Variants in IKZF4 observed in about 807,000 individuals in gnomAD.
IKZF4 encodes the protein zinc finger protein Eos.
A neutral mutation model predicts 47.7 loss-of-function variants in IKZF4; 11 were observed. That is an observed-to-expected ratio of 0.23 (90% CI 0.15 to 0.38). The LOEUF is 0.38. IKZF4 is among the 10% of genes least tolerant of loss of function. IKZF4 has a pLI of 1.00. For synonymous variants in IKZF4, 298 were observed against 299.4 expected (o/e 1.00, Z 0.05); for missense variants, 557 against 784.9 (o/e 0.71, Z 3.47).
chr12:56,018,172 T>G, upstream of IKZF4: 1 of 1,289,372 alleles, frequency 7.8e-7, no homozygotes, highest in South Asian at 1.2e-5. Flanking sequence ...CGCTCCTATG[T>G]GTCTGGTATG....
In IKZF4 at chr12:56,034,563, C is replaced by T. The variant is rs548060688; in HGVS notation, c.998-8C>T. On this transcript the variant is annotated splice_region_variant and splice_polypyrimidine_tract_variant and intron_variant, in intron 7 of 7. Transcript: ENST00000547167. ...AACCCAGCCCTGCTGAGTTCCTGTT[C>T]TCCACAGGCGAAAAGCAGATGCGCT... 2 of 1,592,684 alleles carry T rather than the reference C, an allele frequency of 1.3e-6. No individual in the cohort carries two copies. The highest frequency in any genetic ancestry group is 1.7e-5 in the Admixed American group (1 of 58,120).
Position 56,021,372 on chromosome 12 carries a change from T to G in IKZF4, c.-122T>G. 4 of 1,547,242 alleles carry G rather than the reference T, an allele frequency of 2.6e-6. No individual in the cohort carries two copies. The highest frequency in any genetic ancestry group is 2.6e-6 in the Non-Finnish European group (3 of 1,146,812). On this transcript the variant is annotated 5_prime_UTR_variant, in exon 1 of 8. Coordinates refer to ENST00000547167, the MANE Select transcript of IKZF4 (RefSeq NM_022465.4). The stretch of plus-strand genomic sequence containing the variant: ...CTCTTGCTGGCTGCAGCCGTGGGCC[T>G]CTGCTCACCGTGCCGCTGCTGCTGC...
At chr12:56,019,395 G>A (rs1892558956), upstream of IKZF4, 1 of 984,162 alleles carries the variant, frequency 1.0e-6, no homozygotes, top group Non-Finnish European at 1.2e-6. Flanking sequence ...AGAGTCATTG[G>A]CAACACCCGG....
At position 56,035,392 on chromosome 12, in the gene IKZF4, T is replaced by G; in HGVS notation, c.*61T>G. 1 of 1,526,808 alleles carries G rather than the reference T, an allele frequency of 6.5e-7. No homozygotes were observed. The highest frequency in any genetic ancestry group is 8.8e-7 in the Non-Finnish European group (1 of 1,131,522). The allele number at this position is 1,526,808 out of a possible 1,614,324, so 94.6% of individuals were successfully genotyped here. On this transcript the variant is annotated 3_prime_UTR_variant, in exon 8 of 8. Transcript: ENST00000547167. This position sits in a 1 kb window ranked among gnomAD's most constrained non-coding sequence, Gnocchi z 6.1. ...TGCCCTGACTACAGGCATTGATCCC[T>G]GTCCCCACCATTTCCCAAGGAGTTT...
chr12:56,021,688 C>CTCTG, intron 1 of IKZF4, 108 bp downstream of exon 1: 1 of 657,814 alleles, frequency 1.5e-6, no homozygotes, highest in Non-Finnish European at 2.4e-6. Context: ...AGGATGGGGG[C>CTCTG]TGTGTGTGTG....
intron 7 of IKZF4, among the ~76,000 whole-genome samples, chr12:56,033,643 CT>C (rs1486298204): frequency 1.3e-5 from 2 of 151,994 alleles, no homozygotes; most frequent in Non-Finnish European, 2.9e-5. Flanking sequence ...GGAGGCGGAG[CT>C]TGCAGTGAGC....
Position 56,021,588 on chromosome 12 carries a change from C to T in IKZF4, c.87+8C>T, listed in dbSNP as rs776179288. 1.9e-6 allele frequency: 3 copies of T among 1,596,572 alleles called. No individual in the cohort carries two copies. In the Admixed American group the frequency reaches 5.3e-5, roughly 28 times the overall value. Reference sequence around the variant, plus strand: ...CGGCAAGGGAAGGATAATGTAAGTTCAGGCAGAAGGCGGCTAGTGGAGGGA... The same window carrying T: ...CGGCAAGGGAAGGATAATGTAAGTTTAGGCAGAAGGCGGCTAGTGGAGGGA... On this transcript the variant is annotated splice_region_variant and intron_variant, in intron 1 of 7. Transcript: ENST00000547167.
intron 2 of IKZF4, among the ~76,000 whole-genome samples, chr12:56,014,748 C>G (rs907275876): frequency 1.3e-5 from 2 of 152,032 alleles, no homozygotes; most frequent in African/African-American, 4.8e-5. Context: ...CCACTGCACT[C>G]CAGCCTGGGC....
intron 6 of IKZF4, among the ~76,000 whole-genome samples, chr12:56,032,942 C>G (rs189961554): frequency 6.6e-6 from 1 of 152,200 alleles, no homozygotes; most frequent in Admixed American, 6.5e-5. Flanking sequence ...GGGTCTATAT[C>G]CTTGGCCTAA....
upstream of IKZF4, chr12:56,017,980 C>T: frequency 2.4e-6 from 1 of 419,364 alleles, no homozygotes; most frequent in Non-Finnish European, 4.3e-6. Context: ...AGCCACAGTG[C>T]CTGGCTAAGG....
chr12:56,032,313 C>T, intron 5 of IKZF4: 1 of 449,390 alleles, frequency 2.2e-6, no homozygotes, highest in South Asian at 2.5e-5. Context: ...ACAAACCCAC[C>T]ACCAGTCTGA....
At position 56,032,593 on chromosome 12, in the gene IKZF4, T is replaced by G; in HGVS notation, c.748T>G (p.Cys250Gly). The G allele has an allele frequency of 6.2e-7, 1 of 1,613,814 alleles. No homozygotes were observed. Among genetic ancestry groups the G allele is most frequent in the Non-Finnish European group, 8.5e-7 (1 of 1,179,804 alleles). ...TCCCACAGTGGGCAAGCCCTACAAG[T>G]GTAACTACTGTGGCCGGAGCTACAA... ...SSPTVGKPYK[C>G]NYCGRSYKQQ... is the part of the protein sequence containing the mutation. Residue 250 changes from cysteine (C) to glycine (G), a missense_variant, in exon 6 of 8, where the codon TGT (cysteine) becomes GGT (glycine). This residue lies in a region of IKZF4 where 72 missense variants were observed against 112.4 expected (regional missense o/e 0.64). Transcript: ENST00000547167.
rs975917359 is a variant in IKZF4 at position 56,028,390 on chromosome 12, G to A, written c.715+443G>A. Among the ~76,000 whole-genome samples, 27 of 151,500 alleles carry A rather than the reference G, an allele frequency of 1.8e-4. 1 individual carries two copies. The highest frequency in any genetic ancestry group is 2.1e-4 in the South Asian group (1 of 4,790). On this transcript the variant is annotated intron_variant, in intron 5 of 7. Transcript: ENST00000547167. ...AATACAAAAAAAAAAAAAATTAGCC[G>A]GGCATGGTGGCAGGCACCTGTAGTC...
chr12:56,018,053 C>CAAGAATATTA (rs1307146730), upstream of IKZF4: 10 of 1,038,656 alleles, frequency 9.6e-6, no homozygotes, highest in East Asian at 3.6e-4. Context: ...CTTGCTAACT[C>CAAGAATATTA]AAGAATATTA....
At chr12:56,023,525 A>C (rs1269751408) in intron 1 of IKZF4, 146 bp from the exon 2 acceptor site, 1 of 1,015,564 alleles carries the variant, frequency 9.8e-7, no homozygotes, top group East Asian at 2.8e-5. Flanking sequence ...ACTCAGATTC[A>C]AGCCATAAGG....
At chr12:56,032,793 A>T in intron 6 of IKZF4, 83 bp downstream of exon 6, 1 of 1,441,892 alleles carries the variant, frequency 6.9e-7, no homozygotes, top group Non-Finnish European at 9.7e-7. Context: ...AGTATCTCCC[A>T]CACTGAGGGA....
At chr12:56,026,751 C>A (rs749508905) in intron 3 of IKZF4, 30 bp from the exon 4 acceptor site, 20 of 1,468,016 alleles carry the variant, frequency 1.4e-5, no homozygotes, top group Non-Finnish European at 1.8e-5. Flanking sequence ...CTTTGCCTCT[C>A]TCTATTCTAA....
chr12:56,032,327 CA>C, intron 5 of IKZF4: 1 of 480,308 alleles, frequency 2.1e-6, no homozygotes, highest in Admixed American at 3.7e-5. Context: ...AGTCTGAAGC[CA>C]CATGCCCTAG....
intron 5 of IKZF4, among the ~76,000 whole-genome samples, chr12:56,030,096 G>A (rs1415535410): frequency 1.3e-5 from 2 of 152,090 alleles, no homozygotes; most frequent in African/African-American, 4.8e-5. Context: ...TCACTCATGT[G>A]GGAGCTAAAA....
Sources: gnomAD v4.1 joint callset for allele counts (sites outside exome capture counted in the v4.1 genomes callset) on GRCh38, gnomAD v4.1.1 for gene constraint, gnomAD v4.1.1 regional missense constraint, Gnocchi (gnomAD v3.1) non-coding constraint, MANE v1.5 for transcripts, NCBI Gene and HGNC (gene_info 2026-07-23, HGNC 2026-07-21) for gene names.